Variants in RARB observed in about 807,000 individuals in gnomAD.
RARB encodes retinoic acid receptor beta.
Under a neutral mutation model 51.9 loss-of-function variants are expected in RARB, and 17 were observed. That is an observed-to-expected ratio of 0.33 (90% CI 0.22 to 0.49). The LOEUF (loss-of-function observed/expected upper bound fraction) is 0.49, where lower values mean the gene tolerates loss of function less well. Among genes scored for constraint, RARB ranks in the 20% least tolerant of loss-of-function variants. The pLI is 0.99. For synonymous variants in RARB, 215 were observed against 195.4 expected (o/e 1.10, Z -0.84); for missense variants, 369 against 550.8 (o/e 0.67, Z 3.30).
intron 5 of RARB, among the ~76,000 whole-genome samples, chr3:25,360,908 A>T (rs945076801): frequency 6.6e-6 from 1 of 152,144 alleles, no homozygotes; most frequent in African/African-American, 2.4e-5. Flanking sequence ...GCTGCCCTTA[A>T]CATTTTTTCC....
chr3:25,025,555 CAG>C (rs1697729299), intron 2 of RARB, among the ~76,000 whole-genome samples: 1 of 152,048 alleles, frequency 6.6e-6, no homozygotes, highest in African/African-American at 2.4e-5. Context: ...CTATAAGTTA[CAG>C]TAGTTATGTA....
At chr3:25,404,883 T>A (rs1157819434) in intron 5 of RARB, among the ~76,000 whole-genome samples, 1 of 152,224 alleles carries the variant, frequency 6.6e-6, no homozygotes, top group Non-Finnish European at 1.5e-5. Flanking sequence ...TTAAATTTAC[T>A]CGCTACTTTT....
chr3:25,346,017 T>C, intron 5 of RARB: 1 of 374,082 alleles, frequency 2.7e-6, no homozygotes, highest in Non-Finnish European at 3.7e-6. Context: ...CGGGCTGCGG[T>C]TGACTGATCG....
chr3:25,026,689 T>A (rs1177965628), intron 2 of RARB, among the ~76,000 whole-genome samples: 1 of 152,200 alleles, frequency 6.6e-6, no homozygotes, highest in African/African-American at 2.4e-5. Flanking sequence ...ATTTAGCCCA[T>A]GACAATCCAT....
At chr3:25,402,154 A>G (rs7651077) in intron 5 of RARB, among the ~76,000 whole-genome samples, 99,077 of 152,124 alleles carry the variant, frequency 0.65, 32,505 homozygotes, top group East Asian at 0.83. Context: ...GAAAAAAGCC[A>G]CAAATTTTCC....
chr3:25,202,424 T>C (rs932087428), intron 5 of RARB, among the ~76,000 whole-genome samples: 12 of 152,172 alleles, frequency 7.9e-5, no homozygotes, highest in African/African-American at 2.7e-4. Context: ...GTTTTTTGTG[T>C]CTCTATCTCC....
At chr3:25,342,711 C>T (rs1705266575) in intron 5 of RARB, among the ~76,000 whole-genome samples, 1 of 152,206 alleles carries the variant, frequency 6.6e-6, no homozygotes, top group Non-Finnish European at 1.5e-5. Flanking sequence ...CTGAACGCAG[C>T]CCTACCTATG....
intron 2 of RARB, among the ~76,000 whole-genome samples, chr3:24,964,159 G>T (rs183271130): frequency 1.3e-5 from 2 of 151,528 alleles, no homozygotes; most frequent in African/African-American, 4.8e-5. Flanking sequence ...ACTGTATAAG[G>T]TATAACCAGA....
At position 25,580,648 on chromosome 3, in the gene RARB, C is replaced by G; in HGVS notation, c.712C>G (p.Arg238Gly). 1 of 1,613,120 alleles carries G rather than the reference C, an allele frequency of 6.2e-7. No homozygotes were observed. The highest frequency in any genetic ancestry group is 8.5e-7 in the Non-Finnish European group (1 of 1,179,232). Residue 238 changes from arginine (R) to glycine (G), a missense_variant, in exon 5 of 8, where the codon CGT becomes GGT. Transcript: ENST00000330688. ...TATTAAGATCGTGGAGTTTGCTAAA[C>G]GTCTGCCTGGTTTCACTGGCTTGAC... The part of the protein sequence containing the change: ...CIIKIVEFAK[R>G]LPGFTGLTIA...
intron 2 of RARB, among the ~76,000 whole-genome samples, chr3:24,891,136 A>G (rs1206947559): frequency 1.3e-5 from 2 of 152,184 alleles, no homozygotes; most frequent in African/African-American, 4.8e-5. Flanking sequence ...CCAAATGTAA[A>G]AAGTAATCCT....
At chr3:25,463,510 A>C (rs1029844015) in intron 2 of RARB, among the ~76,000 whole-genome samples, 4 of 152,078 alleles carry the variant, frequency 2.6e-5, no homozygotes, top group Non-Finnish European at 5.9e-5. Context: ...TAAAAGTACA[A>C]AAATTAGCTG....
At chr3:25,586,152 A>G (rs1444531469) in intron 5 of RARB, among the ~76,000 whole-genome samples, 1 of 152,048 alleles carries the variant, frequency 6.6e-6, no homozygotes, top group Non-Finnish European at 1.5e-5. Context: ...GCCTTTTTAC[A>G]TCCCATTCCG....
intron 5 of RARB, among the ~76,000 whole-genome samples, chr3:25,304,562 T>C (rs866849715): frequency 2.2e-4 from 33 of 152,098 alleles, no homozygotes; most frequent in Middle Eastern, 6.8e-3. Context: ...TCTTCTTTCA[T>C]GCCCGAGATC....
intron 2 of RARB, among the ~76,000 whole-genome samples, chr3:24,914,565 T>A (rs976598959): frequency 1.3e-5 from 2 of 152,170 alleles, no homozygotes; most frequent in African/African-American, 4.8e-5. Context: ...TCCATGATAC[T>A]CGTGTCCCTG....
chr3:24,913,130 G>A (rs533647907), intron 2 of RARB, among the ~76,000 whole-genome samples: 51 of 151,490 alleles, frequency 3.4e-4, no homozygotes, highest in South Asian at 1.5e-3. Context: ...ACAGGCACCC[G>A]CCACCACGCC....
intron 5 of RARB, among the ~76,000 whole-genome samples, chr3:25,590,097 T>G (rs1024919711): frequency 1.3e-5 from 2 of 151,630 alleles, no homozygotes; most frequent in African/African-American, 4.9e-5. Context: ...TGAGCAGTCT[T>G]CCTTCTCAGG....
At chr3:25,402,485 C>G (rs1229039984) in intron 5 of RARB, among the ~76,000 whole-genome samples, 1 of 152,150 alleles carries the variant, frequency 6.6e-6, no homozygotes, top group Non-Finnish European at 1.5e-5. Flanking sequence ...ATCAGAATAT[C>G]AAAGAGATAC....
At chr3:25,521,852 T>A (rs538447413) in intron 3 of RARB, among the ~76,000 whole-genome samples, 2 of 152,148 alleles carry the variant, frequency 1.3e-5, no homozygotes, top group East Asian at 1.9e-4. Flanking sequence ...AACCTCTTCA[T>A]TGAAAATCAT....
chr3:24,900,921 G>A (rs183195151), intron 2 of RARB, among the ~76,000 whole-genome samples: 7 of 152,192 alleles, frequency 4.6e-5, no homozygotes, highest in Admixed American at 3.9e-4. Flanking sequence ...TACATAATAT[G>A]GGATGCATAC....
Sources: gnomAD v4.1 joint callset for allele counts (sites outside exome capture counted in the v4.1 genomes callset) on GRCh38, gnomAD v4.1.1 for gene constraint, MANE v1.5 for transcripts, NCBI Gene and HGNC (gene_info 2026-07-23, HGNC 2026-07-21) for gene names.